SGCZ: variants seen among roughly 807,000 people sequenced by gnomAD.
SGCZ encodes zeta-sarcoglycan.
SGCZ carries 40 observed loss-of-function variants against 41.3 expected under a neutral mutation model. That is an observed-to-expected ratio of 0.97 (90% confidence interval 0.75 to 1.26). SGCZ has a LOEUF of 1.26. Ranked by LOEUF, SGCZ falls within the 50% of genes most tolerant of loss-of-function variation. SGCZ has a pLI of 0.00. For synonymous variants in SGCZ, 206 were observed against 137.5 expected, an observed-to-expected ratio of 1.50 and a Z score of -3.49; for missense variants, 552 against 369.8, an observed-to-expected ratio of 1.49 and a Z score of -4.04.
At chr8:14,814,297 G>T (rs925673548) in intron 1 of SGCZ, among the ~76,000 whole-genome samples, 4 of 152,056 alleles carry the variant, frequency 2.6e-5, no homozygotes, top group African/African-American at 9.7e-5. Flanking sequence ...TAAAAGATGG[G>T]GTATAGAAGG....
intron 1 of SGCZ, among the ~76,000 whole-genome samples, chr8:14,601,945 C>T (rs964628340): frequency 1.6e-4 from 25 of 151,912 alleles, no homozygotes; most frequent in South Asian, 1.0e-3. Context: ...ACGGTGAAAC[C>T]CCGTCTCTAC....
chr8:15,014,592 C>G (rs1054824215), intron 1 of SGCZ, among the ~76,000 whole-genome samples: 18 of 152,152 alleles, frequency 1.2e-4, no homozygotes, highest in Non-Finnish European at 2.2e-4. Context: ...ATCAGCTGCC[C>G]ATGTCTATGA....
intron 1 of SGCZ, among the ~76,000 whole-genome samples, chr8:14,753,567 A>T (rs974211642): frequency 2.0e-5 from 3 of 152,210 alleles, no homozygotes; most frequent in African/African-American, 7.2e-5. Flanking sequence ...CTTTAAGATA[A>T]GTCTGATTCC....
intron 1 of SGCZ, among the ~76,000 whole-genome samples, chr8:14,610,892 A>G (rs1036617473): frequency 1.2e-4 from 19 of 152,208 alleles, no homozygotes; most frequent in African/African-American, 3.9e-4. Context: ...GATAATATTT[A>G]TGGAATTGTA....
chr8:15,121,865 C>A (rs1807490773), intron 1 of SGCZ, among the ~76,000 whole-genome samples: 1 of 135,744 alleles, frequency 7.4e-6, no homozygotes, highest in African/African-American at 2.7e-5. Context: ...AAACAAAACT[C>A]ATGACCAAAC....
intron 1 of SGCZ, among the ~76,000 whole-genome samples, chr8:14,954,210 C>T (rs1471204282): frequency 2.0e-5 from 3 of 152,140 alleles, no homozygotes; most frequent in Non-Finnish European, 2.9e-5. Flanking sequence ...TTTATATACG[C>T]TTTCTTTGAT....
intron 2 of SGCZ, among the ~76,000 whole-genome samples, chr8:14,331,498 T>C (rs142395934): frequency 6.6e-6 from 1 of 152,250 alleles, no homozygotes; most frequent in African/African-American, 2.4e-5. Flanking sequence ...TGTAAGCTTG[T>C]ATTTTATTTT....
At chr8:14,772,121 C>T (rs768794431) in intron 1 of SGCZ, among the ~76,000 whole-genome samples, 3 of 152,254 alleles carry the variant, frequency 2.0e-5, no homozygotes, top group Middle Eastern at 3.4e-3. Flanking sequence ...AAACATTCAA[C>T]ACTTTAAATA....
At chr8:14,755,442 A>C (rs1354609854) in intron 1 of SGCZ, among the ~76,000 whole-genome samples, 1 of 152,120 alleles carries the variant, frequency 6.6e-6, no homozygotes, top group East Asian at 1.9e-4. Context: ...TTTTTCATAA[A>C]ACGCGGGAAA....
At chr8:14,832,085 AT>A (rs1802552942) in intron 1 of SGCZ, among the ~76,000 whole-genome samples, 1 of 152,198 alleles carries the variant, frequency 6.6e-6, no homozygotes, top group Admixed American at 6.5e-5. Context: ...CAATAATAAT[AT>A]CAACTATGTT....
intron 1 of SGCZ, among the ~76,000 whole-genome samples, chr8:14,769,801 A>AAAAAC (rs1184542632): frequency 6.7e-6 from 1 of 149,458 alleles, no homozygotes; most frequent in African/African-American, 2.5e-5. Context: ...ATTAAAAAAA[A>AAAAAC]AAAAAAAAAA....
chr8:14,737,689 G>A (rs1167107320), intron 1 of SGCZ, among the ~76,000 whole-genome samples: 3 of 151,950 alleles, frequency 2.0e-5, no homozygotes, highest in Non-Finnish European at 4.4e-5. Flanking sequence ...TTTTCATATG[G>A]CCTTCTCTCC....
chr8:14,509,037 A>C (rs80174829), intron 2 of SGCZ, among the ~76,000 whole-genome samples: 1 of 152,186 alleles, frequency 6.6e-6, no homozygotes, highest in East Asian at 1.9e-4. Context: ...AAACACTCTG[A>C]AACATTTGTT....
chr8:14,292,759 T>A (rs1800883667), intron 3 of SGCZ, among the ~76,000 whole-genome samples: 1 of 151,900 alleles, frequency 6.6e-6, no homozygotes, highest in Non-Finnish European at 1.5e-5. Context: ...ATCAACAAAA[T>A]GGAAAAATAA....
chr8:14,482,809 C>T (rs890251455), intron 2 of SGCZ, among the ~76,000 whole-genome samples: 10 of 151,850 alleles, frequency 6.6e-5, no homozygotes, highest in Middle Eastern at 3.2e-3. Context: ...TTGATTGTCT[C>T]CTGCCCTTGG....
chr8:14,515,955 T>C (rs1802607785), intron 2 of SGCZ, among the ~76,000 whole-genome samples: 1 of 152,066 alleles, frequency 6.6e-6, no homozygotes, highest in South Asian at 2.1e-4. Context: ...AGCAATACCT[T>C]GTTGGAAATA....
intron 6 of SGCZ, among the ~76,000 whole-genome samples, chr8:14,103,167 G>A (rs1035662533): frequency 1.3e-5 from 2 of 151,962 alleles, no homozygotes; most frequent in Non-Finnish European, 2.9e-5. Flanking sequence ...AAGTACAAAT[G>A]CGATTGAAGG....
At chr8:14,809,977 A>T (rs563089629) in intron 1 of SGCZ, among the ~76,000 whole-genome samples, 5 of 152,228 alleles carry the variant, frequency 3.3e-5, no homozygotes, top group Admixed American at 1.3e-4. Context: ...TATTTTAAGA[A>T]ACTCAAGCTG....
intron 2 of SGCZ, among the ~76,000 whole-genome samples, chr8:14,352,087 A>G (rs572208800): frequency 5.3e-5 from 8 of 152,288 alleles, no homozygotes; most frequent in African/African-American, 1.4e-4. Flanking sequence ...TTCTTTAATG[A>G]AAGTTAGCTT....
Sources: allele counts gnomAD v4.1 joint callset (sites outside exome capture counted in the v4.1 genomes callset), GRCh38; gene constraint gnomAD v4.1.1; transcripts MANE v1.5; gene names NCBI Gene and HGNC (gene_info 2026-07-23, HGNC 2026-07-21).